RERE: variants seen among roughly 807,000 people sequenced by gnomAD.
The protein encoded by RERE is arginine-glutamic acid dipeptide repeats, also known as arginine-glutamic acid dipeptide repeats protein.
In RERE, 40 loss-of-function variants were observed where a neutral mutation model predicts 146.1. The ratio of observed to expected loss-of-function variants is 0.27; its 90% confidence interval spans 0.21 to 0.36. The LOEUF is 0.36. RERE is among the 10% of genes least tolerant of loss of function. The pLI is 1.00. For synonymous variants in RERE, 1,003 were observed against 866.0 expected (o/e 1.16, Z -2.78); for missense variants, 1,933 against 2,138.7 (o/e 0.90, Z 1.90).
At chr1:8,457,401 A>G (rs1389085206) in intron 11 of RERE, among the ~76,000 whole-genome samples, 1 of 152,194 alleles carries the variant, frequency 6.6e-6, no homozygotes, top group African/African-American at 2.4e-5. Flanking sequence ...GGTACTTCGG[A>G]AAAATGTCTT....
At chr1:8,771,995 T>G (rs1480538322) in intron 1 of RERE, among the ~76,000 whole-genome samples, 2 of 152,048 alleles carry the variant, frequency 1.3e-5, no homozygotes, top group Non-Finnish European at 2.9e-5. Flanking sequence ...AAACGCTGTT[T>G]AGGAAAACAT....
At chr1:8,689,725 T>C (rs1639168846) in intron 1 of RERE, among the ~76,000 whole-genome samples, 1 of 151,620 alleles carries the variant, frequency 6.6e-6, no homozygotes, top group Non-Finnish European at 1.5e-5. Context: ...GCAAAGCGAT[T>C]ATAAGACTGA....
intron 11 of RERE, among the ~76,000 whole-genome samples, chr1:8,456,241 T>A (rs1644452033): frequency 6.6e-6 from 1 of 152,192 alleles, no homozygotes; most frequent in South Asian, 2.1e-4. Context: ...TCTACAGTTT[T>A]AAGTTTTCCA....
At chr1:8,596,505 T>C (rs1553190734) in intron 4 of RERE, among the ~76,000 whole-genome samples, 1 of 152,052 alleles carries the variant, frequency 6.6e-6, no homozygotes, top group Non-Finnish European at 1.5e-5. Context: ...AAATTACTCT[T>C]TCTCTCTCTC....
chr1:8,680,610 T>C (rs1017023388), intron 1 of RERE, among the ~76,000 whole-genome samples: 1 of 152,156 alleles, frequency 6.6e-6, no homozygotes, highest in African/African-American at 2.4e-5. Flanking sequence ...ATCTTAGTTC[T>C]TAAGCATGAG....
chr1:8,400,852 A>C (rs1231382810), intron 12 of RERE, among the ~76,000 whole-genome samples: 3 of 147,004 alleles, frequency 2.0e-5, no homozygotes, highest in African/African-American at 7.4e-5. Flanking sequence ...AAAAAAAAAA[A>C]AAAAAAAACC....
In RERE at chr1:8,707,403, C is replaced by A. The variant is rs1207056753; in HGVS notation, c.-144-50962G>T. ...ACCCACATTATTCCAGACCCTTAAC[C>A]TGGAGCAACCACCCTGCATGGACTC... On this transcript the variant is annotated intron_variant, in intron 1 of 22. Transcript: ENST00000400908. Among the ~76,000 whole-genome samples, 3 of 152,164 alleles carry A rather than the reference C, an allele frequency of 2.0e-5. No homozygotes were observed. In the East Asian group the frequency reaches 5.8e-4, roughly 29 times the overall value.
At chr1:8,464,687 T>C (rs1644573722) in intron 11 of RERE, among the ~76,000 whole-genome samples, 1 of 152,192 alleles carries the variant, frequency 6.6e-6, no homozygotes, top group African/African-American at 2.4e-5. Context: ...CAGAATTCTC[T>C]AATATCCAAA....
In RERE at chr1:8,359,976, G is replaced by A. The variant is rs1482200788; in HGVS notation, c.3406C>T (p.His1136Tyr). ...HASQSARFYK[H>Y]LDRGYNSCAR... is the part of the protein sequence containing the mutation. ...CACGAGTTGTAGCCCCGGTCCAGGT[G>A]TTTGTAGAACCTGAGAAAAGCCACA... Residue 1136 changes from histidine (H) to tyrosine (Y), a missense_variant, in exon 19 of 23, where the codon CAC becomes TAC. Transcript: ENST00000400908. The A allele has an allele frequency of 6.2e-7, 1 of 1,612,574 alleles. No homozygotes were observed. Among genetic ancestry groups the A allele is most frequent in the African/African-American group, 1.3e-5 (1 of 74,934 alleles).
chr1:8,384,668 T>C (rs1434296661), intron 12 of RERE, among the ~76,000 whole-genome samples: 2 of 152,254 alleles, frequency 1.3e-5, no homozygotes, highest in African/African-American at 4.8e-5. Flanking sequence ...CACAACCAGA[T>C]GCTTTGAAGG....
intron 1 of RERE, among the ~76,000 whole-genome samples, chr1:8,693,627 T>C (rs72639687): frequency 6.6e-6 from 1 of 152,128 alleles, no homozygotes; most frequent in South Asian, 2.1e-4. Context: ...ATAGGGCATG[T>C]TTAGAGCAGT....
chr1:8,548,229 G>A (rs368288610), intron 6 of RERE, among the ~76,000 whole-genome samples: 1 of 152,278 alleles, frequency 6.6e-6, no homozygotes, highest in East Asian at 1.9e-4. Flanking sequence ...GTAACCTAGA[G>A]CAGCAAGGTG....
intron 1 of RERE, among the ~76,000 whole-genome samples, chr1:8,724,403 G>A (rs1370500482): frequency 6.6e-6 from 1 of 152,204 alleles, no homozygotes; most frequent in East Asian, 1.9e-4. Context: ...GAGTAATACT[G>A]TCTATATCAA....
rs577827321 is a variant in RERE at position 8,781,607 on chromosome 1, C to G, written c.-145+35553G>C. Among the ~76,000 whole-genome samples, 3 of 151,686 alleles carry G rather than the reference C, an allele frequency of 2.0e-5. No homozygotes were observed. The East Asian group carries it at 5.8e-4, about 29-fold the overall frequency. ...AGTTACTTTGGGAAAGTTATTGAAT[C>G]TCTCCGTGCCTCCATTTTCTCACAA... On this transcript the variant is annotated intron_variant, in intron 1 of 22. Coordinates refer to ENST00000400908, the MANE Select transcript of RERE (RefSeq NM_001042681.2).
chr1:8,657,727 G>C (rs1380698940), intron 1 of RERE, among the ~76,000 whole-genome samples: 1 of 152,094 alleles, frequency 6.6e-6, no homozygotes, highest in Non-Finnish European at 1.5e-5. Context: ...CACGCCTATA[G>C]TCCCAGCTAC....
chr1:8,726,497 G>A (rs1454722042), intron 1 of RERE, among the ~76,000 whole-genome samples: 1 of 152,038 alleles, frequency 6.6e-6, no homozygotes, highest in East Asian at 1.9e-4. Flanking sequence ...ACCAAGCAGA[G>A]ATATTCCCTA....
chr1:8,603,433 A>T (rs1379008153), intron 4 of RERE, among the ~76,000 whole-genome samples: 1 of 152,260 alleles, frequency 6.6e-6, no homozygotes, highest in Non-Finnish European at 1.5e-5. Flanking sequence ...GCACCATCCC[A>T]GCATCCAAGA....
At chr1:8,674,724 C>T (rs1035569083) in intron 1 of RERE, among the ~76,000 whole-genome samples, 5 of 152,180 alleles carry the variant, frequency 3.3e-5, no homozygotes, top group Admixed American at 1.3e-4. Flanking sequence ...AGGAAAAATA[C>T]GCATTTCATA....
At chr1:8,581,767 C>A (rs960856555) in intron 4 of RERE, among the ~76,000 whole-genome samples, 2 of 152,154 alleles carry the variant, frequency 1.3e-5, no homozygotes, top group Non-Finnish European at 2.9e-5. Flanking sequence ...ATATAAAGCA[C>A]ATCTCAGTCC....
Sources: gnomAD v4.1 joint callset for allele counts (sites outside exome capture counted in the v4.1 genomes callset) on GRCh38, gnomAD v4.1.1 for gene constraint, MANE v1.5 for transcripts, NCBI Gene and HGNC (gene_info 2026-07-23, HGNC 2026-07-21) for gene names.